The following CASZ1 variants were observed in gnomAD, a reference collection of about 807,000 sequenced individuals.
CASZ1 encodes the protein castor zinc finger 1.
A neutral mutation model predicts 135.2 loss-of-function variants in CASZ1; 28 were observed. The ratio of observed to expected loss-of-function variants is 0.21; its 90% confidence interval spans 0.15 to 0.28. CASZ1 has a LOEUF of 0.28. Ranked by LOEUF, CASZ1 falls within the 10% of genes least tolerant of loss-of-function variation. The pLI, the probability that CASZ1 is intolerant of heterozygous loss-of-function variation, is 1.00. For synonymous variants in CASZ1, 1,068 were observed against 1,073.4 expected, an observed-to-expected ratio of 0.99 and a Z score of 0.10; for missense variants, 2,161 against 2,453.3, an observed-to-expected ratio of 0.88 and a Z score of 2.52.
rs1640503390 is a variant in CASZ1 at position 10,767,806 on chromosome 1, CT to C, written c.-233-6950del. Among the ~76,000 whole-genome samples the C allele has an allele frequency of 6.6e-6, 1 of 152,238 alleles. No individual in the cohort carries two copies. Among genetic ancestry groups the C allele is most frequent in the African/African-American group, 2.4e-5 (1 of 41,456 alleles). ...TGCAGCTCCCTGTCTGTCTTGCCCACTGCCCCGGGGATCACTTCCCTCGCTG... is the reference window on the plus strand; with the variant it reads ...TGCAGCTCCCTGTCTGTCTTGCCCACGCCCCGGGGATCACTTCCCTCGCTG... On this transcript the variant is annotated intron_variant, in intron 1 of 20. Transcript: ENST00000377022. This position sits in a 1 kb window ranked among gnomAD's most constrained non-coding sequence, Gnocchi z 4.2.
At chr1:10,728,510 A>T (rs1639636745) in intron 2 of CASZ1, among the ~76,000 whole-genome samples, 1 of 152,138 alleles carries the variant, frequency 6.6e-6, no homozygotes, top group Non-Finnish European at 1.5e-5. Flanking sequence ...CAAACCCCAG[A>T]AACTTTCTGA....
Position 10,738,822 on chromosome 1 carries a change from G to A in CASZ1, c.-77+21879C>T, listed in dbSNP as rs182366025. 3.3e-5 allele frequency among the ~76,000 whole-genome samples: 5 copies of A among 150,450 alleles called. No homozygotes were observed. In the East Asian group the frequency reaches 5.9e-4, roughly 18 times the overall value. On this transcript the variant is annotated intron_variant, in intron 2 of 20. Transcript: ENST00000377022. ...GTGATCTATATGCAAATATGCTAAT[G>A]CATGCAAATTAAGACACCACTTTTA...
rs535681129 is a variant in CASZ1, at chr1:10,756,674, T to G, written c.-77+4027A>C. Among the ~76,000 whole-genome samples the G allele has an allele frequency of 6.2e-4, 95 of 152,306 alleles. 2 individuals carry two copies. The South Asian group carries it at 7.9e-3, about 13-fold the overall frequency. Reference sequence around the variant, plus strand: ...TCAGAGGCACTGGGAAAAGGGAGACTGGCCTTCAGGCGAGCGGGGTACTGG... The same window carrying G: ...TCAGAGGCACTGGGAAAAGGGAGACGGGCCTTCAGGCGAGCGGGGTACTGG... On this transcript the variant is annotated intron_variant, in intron 2 of 20. Coordinates refer to ENST00000377022, the MANE Select transcript of CASZ1 (RefSeq NM_001079843.3). The surrounding 1 kb of genome is among the most constrained non-coding windows in gnomAD (Gnocchi z 5.9).
intron 1 of CASZ1, among the ~76,000 whole-genome samples, chr1:10,786,336 T>C (rs1640858905): frequency 6.6e-6 from 1 of 152,118 alleles, no homozygotes; most frequent in Admixed American, 6.5e-5. Context: ...GTCTTCATTC[T>C]CATCCCCTCC....
intron 2 of CASZ1, among the ~76,000 whole-genome samples, chr1:10,730,329 CG>C (rs1639680811): frequency 6.6e-6 from 1 of 152,104 alleles, no homozygotes; most frequent in South Asian, 2.1e-4. Flanking sequence ...CCACTGCGCC[CG>C]GCCCCATATT....
In CASZ1 at chr1:10,637,690, C is replaced by T. The variant is rs1178014356; in HGVS notation, c.*1252G>A. On this transcript the variant is annotated 3_prime_UTR_variant, in exon 21 of 21. Transcript: ENST00000377022. ...AGCCACTGGCCAGGTGTGTGCCTGC[C>T]AGGTCAGGCCCTGGCCCGGGCTTCG... 6.6e-6 allele frequency: 1 copy of T among 152,346 alleles called. No individual in the cohort carries two copies. The highest frequency in any genetic ancestry group is 1.5e-5 in the Non-Finnish European group (1 of 68,006). 9.4% of individuals were successfully genotyped at this position (152,346 alleles called of 1,614,324 possible). A position where few individuals can be genotyped will look rare whatever the true frequency, so the allele number is the denominator to read the frequency against.
chr1:10,736,185 C>T (rs2100519047), intron 2 of CASZ1, among the ~76,000 whole-genome samples: 1 of 152,292 alleles, frequency 6.6e-6, no homozygotes, highest in Non-Finnish European at 1.5e-5. Flanking sequence ...CCAGGAACCC[C>T]CAAGCCAGGC....
chr1:10,665,275 C>G lies in CASZ1; in HGVS notation c.313G>C (p.Val105Leu). The stretch of plus-strand genomic sequence containing the variant: ...CCCTCGCGGGCAATCCGCCCCAACA[C>G]GGGTGTGGGTGCCGGCTCCTCGCTG... ...EYSEEPAPTP[V>L]LGRIAREGLE... Residue 105 changes from valine to leucine, a missense_variant, in exon 5 of 21, where the codon GTG (valine) becomes CTG (leucine). Transcript: ENST00000377022. The G allele has an allele frequency of 6.2e-7, 1 of 1,611,558 alleles. No homozygotes were observed. Among genetic ancestry groups the G allele is most frequent in the South Asian group, 1.1e-5 (1 of 90,692 alleles).
Position 10,639,178 on chromosome 1 carries a change from G to A in CASZ1, c.5044C>T (p.Leu1682=). The A allele has an allele frequency of 9.8e-7, 1 of 1,022,500 alleles. No homozygotes were observed. The highest frequency in any genetic ancestry group is 1.2e-6 in the Non-Finnish European group (1 of 841,060). 63.3% of individuals were successfully genotyped at this position (1,022,500 alleles called of 1,614,324 possible). A position where few individuals can be genotyped will look rare whatever the true frequency, so the allele number is the denominator to read the frequency against. Residue 1682 remains leucine, a synonymous_variant, in exon 21 of 21, where the codon CTG becomes TTG. Transcript: ENST00000377022. The surrounding 1 kb of genome is among the most constrained non-coding windows in gnomAD (Gnocchi z 4.0). ...TCGGCCTCCTCCTCCGGCAGCTCCA[G>A]CTCCTCCTCCTCGTCCTCCTGCGAG... ...ESSQEDEEEE[L]ELPEEEAEDD...
rs144000182 is a variant in CASZ1 at position 10,732,081 on chromosome 1, T to G, written c.-76-26537A>C. On this transcript the variant is annotated intron_variant, in intron 2 of 20. Coordinates refer to ENST00000377022, the MANE Select transcript of CASZ1 (RefSeq NM_001079843.3). ...GACTCATGCCTGTAATCCCAGCACT[T>G]TGGGAGGGTGAGGCGGGAGGGTCAC... Among the ~76,000 whole-genome samples the G allele has an allele frequency of 1.6e-3, 248 of 151,904 alleles. 4 individuals carry two copies. In the East Asian group the frequency reaches 0.029, roughly 18 times the overall value.
At chr1:10,686,430 CT>C (rs1260407499) in intron 4 of CASZ1, among the ~76,000 whole-genome samples, 18 of 152,206 alleles carry the variant, frequency 1.2e-4, no homozygotes, top group Admixed American at 3.3e-4. Flanking sequence ...ATCACGCCCC[CT>C]CTCACCTTTC....
intron 1 of CASZ1, among the ~76,000 whole-genome samples, chr1:10,784,579 T>A (rs1640822027): frequency 6.6e-6 from 1 of 152,224 alleles, no homozygotes; most frequent in South Asian, 2.1e-4. Flanking sequence ...GTTTTGTTTT[T>A]TTGAGAGCGA....
intron 4 of CASZ1, among the ~76,000 whole-genome samples, chr1:10,688,374 G>A (rs535103269): frequency 4.5e-4 from 69 of 152,324 alleles, no homozygotes; most frequent in African/African-American, 1.6e-3. Flanking sequence ...GGGTGGCCTG[G>A]ATGAAAAAGA....
Position 10,747,817 on chromosome 1 carries a change from CTT to C in CASZ1, c.-77+12882_-77+12883del, listed in dbSNP as rs34001765. On this transcript the variant is annotated intron_variant, in intron 2 of 20. Coordinates refer to ENST00000377022, the MANE Select transcript of CASZ1 (RefSeq NM_001079843.3). The surrounding 1 kb of genome is among the most constrained non-coding windows in gnomAD (Gnocchi z 4.3). Reference sequence around the variant, plus strand: ...CAGTACACTGTGCTCACCTGCCTGACTTTTTTTTTTTTTTTTTGAGATGGAGT... The same window carrying C: ...CAGTACACTGTGCTCACCTGCCTGACTTTTTTTTTTTTTTTGAGATGGAGT... Among the ~76,000 whole-genome samples, 190 of 134,120 alleles carry C rather than the reference CTT, an allele frequency of 1.4e-3. No homozygotes were observed. The highest frequency in any genetic ancestry group is 4.1e-3 in the African/African-American group (143 of 34,896). The allele number at this position is 134,120 out of a possible 152,430, so 88.0% of individuals were successfully genotyped here.
intron 2 of CASZ1, among the ~76,000 whole-genome samples, chr1:10,758,798 C>A (rs1252905327): frequency 1.3e-5 from 2 of 152,192 alleles, no homozygotes; most frequent in Non-Finnish European, 2.9e-5. Context: ...CCATGGGTCA[C>A]CCCTGCCACA....
intron 5 of CASZ1, among the ~76,000 whole-genome samples, chr1:10,662,204 GCA>G (rs1489166870): frequency 2.1e-5 from 3 of 145,892 alleles, no homozygotes; most frequent in African/African-American, 2.6e-5. Flanking sequence ...ATATCCCCAC[GCA>G]CAGTCACATG....
Position 10,665,559 on chromosome 1 carries a change from C to A in CASZ1, c.29G>T (p.Arg10Leu), listed in dbSNP as rs773780603. MDLGTAEGTRCTDPPAGKPA... is the reference protein window; with the variant it reads MDLGTAEGTLCTDPPAGKPA... ...CTTGCCTGCAGGCGGGTCCGTGCAC[C>A]GGGTGCCCTCAGCTGCAGGGATGGA... The change falls in exon 5 of 21, where the codon CGG (arginine) becomes CTG (leucine). Residue 10 changes from arginine to leucine, a missense_variant. This residue lies in a region of CASZ1 where 590 missense variants were observed against 609.8 expected (regional missense o/e 0.97). Transcript: ENST00000377022. The A allele has an allele frequency of 1.2e-5, 19 of 1,561,972 alleles. No homozygotes were observed. In the South Asian group the frequency reaches 1.5e-4, roughly 12 times the overall value.
intron 2 of CASZ1, among the ~76,000 whole-genome samples, chr1:10,748,905 C>A (rs1373819735): frequency 6.6e-6 from 1 of 152,220 alleles, no homozygotes; most frequent in Admixed American, 6.5e-5. Flanking sequence ...TGAGGCAGCC[C>A]TAACATCGCC....
rs756337353 is a variant in CASZ1 at position 10,660,493 on chromosome 1, G to A, written c.549C>T (p.Thr183=). The change falls in exon 6 of 21, where the codon ACC becomes ACT. Residue 183 remains threonine, a synonymous_variant. Transcript: ENST00000377022. ...CATAGCCAAACATGCCGAGGAACTCGGTCATGGTGGAGGCCGCGTAGTCCC... is the reference window on the plus strand; with the variant it reads ...CATAGCCAAACATGCCGAGGAACTCAGTCATGGTGGAGGCCGCGTAGTCCC... ...SLRDYAASTM[T]EFLGMFGYDD... 3.1e-6 allele frequency: 5 copies of A among 1,613,924 alleles called. No individual in the cohort carries two copies. Among genetic ancestry groups the A allele is most frequent in the Admixed American group, 3.3e-5 (2 of 60,026 alleles).
Sources: allele counts gnomAD v4.1 joint callset (sites outside exome capture counted in the v4.1 genomes callset), GRCh38; gene constraint gnomAD v4.1.1; regional missense constraint gnomAD v4.1.1; non-coding constraint Gnocchi (gnomAD v3.1); transcripts MANE v1.5; gene names NCBI Gene and HGNC (gene_info 2026-07-23, HGNC 2026-07-21).